WDR74: variants seen among roughly 807,000 people sequenced by gnomAD.
The protein encoded by WDR74 is WD repeat domain 74.
In WDR74, 31 loss-of-function variants were observed where a neutral mutation model predicts 45.6. The ratio of observed to expected loss-of-function variants is 0.68; its 90% CI spans 0.51 to 0.92. The LOEUF is 0.92. WDR74 is among the 40% of genes least tolerant of loss of function. The pLI is 0.00. For missense variants in WDR74, 455 were observed against 497.2 expected, an observed-to-expected ratio of 0.92 and a Z score of 0.81; for synonymous variants, 191 against 192.4, an observed-to-expected ratio of 0.99 and a Z score of 0.06.
At chr11:62,840,982 A>G (rs376534574), upstream of WDR74, among the ~76,000 whole-genome samples, 31 of 151,968 alleles carry the variant, frequency 2.0e-4, no homozygotes, top group East Asian at 7.7e-4. Context: ...CAGGAGATCG[A>G]GACCATCCTG....
rs1221827221 is a variant in WDR74 at position 62,839,587 on chromosome 11, A to G, written c.-17T>C. On this transcript the variant is annotated 5_prime_UTR_variant, in exon 1 of 11. Coordinates refer to ENST00000278856, the MANE Select transcript of WDR74 (RefSeq NM_001369450.1). ...AGCCGCCATGACAAAGCCTGGAGGC[A>G]GACAGTTCACACTTCCGGCGCAGCG... 2 of 1,600,016 alleles carry G rather than the reference A, an allele frequency of 1.2e-6. No homozygotes were observed. The highest frequency in any genetic ancestry group is 1.7e-6 in the Non-Finnish European group (2 of 1,172,220).
chr11:62,837,509 A>C, intron 3 of WDR74, among the ~76,000 whole-genome samples: 1 of 148,258 alleles, frequency 6.7e-6, no homozygotes. Flanking sequence ...AAAAAAAAAC[A>C]AAAAACAAAA....
At chr11:62,833,159 T>C (rs1389123772) in intron 10 of WDR74, 28 bp from the exon 11 acceptor site, 2 of 1,606,726 alleles carry the variant, frequency 1.2e-6, no homozygotes. Context: ...AGCTTAGGAG[T>C]CAGGGGGGCC....
chr11:62,840,813 A>T (rs2085033966), upstream of WDR74, among the ~76,000 whole-genome samples: 1 of 152,110 alleles, frequency 6.6e-6, no homozygotes, highest in Non-Finnish European at 1.5e-5. Flanking sequence ...GGAATTACCC[A>T]ATCCGCCCGC....
At chr11:62,841,368 C>G (rs759153627), upstream of WDR74, among the ~76,000 whole-genome samples, 2 of 152,052 alleles carry the variant, frequency 1.3e-5, no homozygotes, top group Non-Finnish European at 2.9e-5. Flanking sequence ...GGGGTGGTGG[C>G]AAGCGCTCAA....
upstream of WDR74, chr11:62,839,976 G>A (rs2085023650): frequency 6.0e-6 from 1 of 167,708 alleles, no homozygotes; most frequent in Admixed American, 6.4e-5. Flanking sequence ...TATAAGTCAC[G>A]AAAGAAAGAT....
chr11:62,839,593 T>A, upstream of WDR74: 2 of 1,589,532 alleles, frequency 1.3e-6, no homozygotes, highest in African/African-American at 1.3e-5. Context: ...AGGCAGACAG[T>A]TCACACTTCC....
In WDR74 at chr11:62,839,577, G is replaced by T. The variant is rs750781500; in HGVS notation, c.-7C>A. ...GTGCAGCAGCAGCCGCCATGACAAA[G>T]CCTGGAGGCAGACAGTTCACACTTC... On this transcript the variant is annotated 5_prime_UTR_variant, in exon 1 of 11. Transcript: ENST00000278856. 1.7e-5 allele frequency: 27 copies of T among 1,605,644 alleles called. No individual in the cohort carries two copies. Among genetic ancestry groups the T allele is most frequent in the Non-Finnish European group, 2.2e-5 (26 of 1,175,512 alleles).
At chr11:62,837,520 A>C (rs535253191) in intron 3 of WDR74, among the ~76,000 whole-genome samples, 138 of 151,892 alleles carry the variant, frequency 9.1e-4, no homozygotes, top group East Asian at 5.6e-3. Flanking sequence ...AAAAACAAAA[A>C]AAAAAAAACG....
chr11:62,833,065 A>G lies in WDR74; in HGVS notation c.1045T>C (p.Trp349Arg). The G allele has an allele frequency of 1.2e-6, 2 of 1,611,896 alleles. No homozygotes were observed. The highest frequency in any genetic ancestry group is 8.5e-7 in the Non-Finnish European group (1 of 1,179,114). ...PLEDTETDEL[W>R]ASLEAAAKRK... ...TTGGCAGCTGCCTCCAAGGATGCCC[A>G]AAGTTCATCTGTCTCTGTGTCTTCT... The change falls in exon 11 of 11, where the codon TGG becomes CGG. Residue 349 changes from tryptophan (W) to arginine (R), a missense_variant. Coordinates refer to ENST00000278856, the MANE Select transcript of WDR74 (RefSeq NM_001369450.1).
At chr11:62,841,685 C>G (rs541261751), upstream of WDR74, 1 of 151,984 alleles carries the variant, frequency 6.6e-6, no homozygotes, top group Non-Finnish European at 1.5e-5. Context: ...GGAGCAAGCT[C>G]CTATTCCATC....
At chr11:62,841,498 C>A (rs190349236), upstream of WDR74, 2 of 152,168 alleles carry the variant, frequency 1.3e-5, no homozygotes, top group African/African-American at 2.4e-5. Flanking sequence ...AAACACGCGT[C>A]ATTCAACACA....
At chr11:62,841,734 A>T (rs1252959995), upstream of WDR74, 2 of 152,160 alleles carry the variant, frequency 1.3e-5, no homozygotes, top group African/African-American at 2.4e-5. Flanking sequence ...TTGTCCTCGG[A>T]TAGAGGACGT....
chr11:62,839,269 C>T (rs1243350672), intron 2 of WDR74, 34 bp from the exon 3 acceptor site: 2 of 1,612,264 alleles, frequency 1.2e-6, no homozygotes, highest in Non-Finnish European at 1.7e-6. Context: ...GCGAGGAGAG[C>T]GAGGCTGCTG....
chr11:62,834,390 G>GCA, intron 7 of WDR74, 37 bp downstream of exon 7: 1 of 1,584,224 alleles, frequency 6.3e-7, no homozygotes, highest in Non-Finnish European at 8.6e-7. Flanking sequence ...CCCTTCTCAA[G>GCA]CCCCACCCTC....
In WDR74 at chr11:62,835,815, C is replaced by A; in HGVS notation, c.396G>T (p.Gly132=). The A allele has an allele frequency of 1.2e-6, 2 of 1,612,642 alleles. No individual in the cohort carries two copies. Among genetic ancestry groups the A allele is most frequent in the East Asian group, 4.5e-5 (2 of 44,848 alleles). The part of the protein sequence containing the change: ...DPLLELRVGP[G]VCRMRQDPAH... ...CTGGGTCTTGGCGCATCCTACACAC[C>A]CCAGGGCCCACTCTCAGTTCCAGGA... The change falls in exon 5 of 11, where the codon GGG becomes GGT. Residue 132 remains glycine, a synonymous_variant. Transcript: ENST00000278856.
Position 62,835,712 on chromosome 11 carries a change from C to G in WDR74, c.499G>C (p.Val167Leu). Residue 167 changes from valine to leucine, a missense_variant, in exon 5 of 11, where the codon GTG becomes CTG. Val to Leu is a conservative substitution (Grantham distance 32). Transcript: ENST00000278856. ...IWDLQGSEEPVFRAKNVRNDW... is the reference protein window; with the variant it reads ...IWDLQGSEEPLFRAKNVRNDW... ...TCACTCACGTTCTTGGCCCTGAACACAGGTTCCTCAGAGCCCTGCAGGTCC... is the reference window on the plus strand; with the variant it reads ...TCACTCACGTTCTTGGCCCTGAACAGAGGTTCCTCAGAGCCCTGCAGGTCC... 6.2e-7 allele frequency: 1 copy of G among 1,613,962 alleles called. No homozygotes were observed. Among genetic ancestry groups the G allele is most frequent in the Non-Finnish European group, 8.5e-7 (1 of 1,179,882 alleles).
chr11:62,841,659 G>T (rs113921557), upstream of WDR74: 1 of 152,214 alleles, frequency 6.6e-6, no homozygotes, highest in African/African-American at 2.4e-5. Context: ...ATACCAGGTC[G>T]ATGCGTGGAG....
At chr11:62,835,048 G>C (rs1196644217) in intron 6 of WDR74, 1 of 232,670 alleles carries the variant, frequency 4.3e-6, no homozygotes, top group African/African-American at 2.3e-5. Context: ...CTGTAAAGCT[G>C]AGGAGCTGAG....
Sources: gnomAD v4.1 joint callset for allele counts (sites outside exome capture counted in the v4.1 genomes callset) on GRCh38, gnomAD v4.1.1 for gene constraint, MANE v1.5 for transcripts, NCBI Gene and HGNC (gene_info 2026-07-23, HGNC 2026-07-21) for gene names.